Variants in SDK1 observed in about 807,000 individuals in gnomAD.
SDK1 encodes the protein protein sidekick-1.
Under a neutral mutation model 245.5 loss-of-function variants are expected in SDK1, and 157 were observed. That is an observed-to-expected ratio of 0.64 (90% CI 0.56 to 0.73). The LOEUF (loss-of-function observed/expected upper bound fraction) is 0.73. Ranked by LOEUF, SDK1 falls within the 30% of genes least tolerant of loss-of-function variation. The probability of loss-of-function intolerance (pLI) is 0.00; values close to 1 mark genes in which losing one functional copy is unlikely to be tolerated. For missense variants in SDK1, 3,583 were observed against 3,002.3 expected, an observed-to-expected ratio of 1.19 and a Z score of -4.52; for synonymous variants, 1,647 against 1,278.5, an observed-to-expected ratio of 1.29 and a Z score of -6.15.
At chr7:3,531,722 C>T (rs1187491102) in intron 1 of SDK1, among the ~76,000 whole-genome samples, 1 of 152,120 alleles carries the variant, frequency 6.6e-6, no homozygotes, top group African/African-American at 2.4e-5. Context: ...TAAAGTGATA[C>T]ATGGGAGAGT....
chr7:4,054,019 A>G (rs576684248), intron 19 of SDK1, among the ~76,000 whole-genome samples: 78 of 151,400 alleles, frequency 5.2e-4, no homozygotes, highest in Non-Finnish European at 9.4e-4. Context: ...GCTCACTGCA[A>G]CCTCTGCCTC....
At chr7:4,056,077 A>G (rs566470161) in intron 19 of SDK1, among the ~76,000 whole-genome samples, 2 of 152,152 alleles carry the variant, frequency 1.3e-5, no homozygotes, top group African/African-American at 2.4e-5. Flanking sequence ...TGTTCAATGA[A>G]TGATTTTTTA....
At chr7:3,565,910 C>T (rs901194196) in intron 1 of SDK1, among the ~76,000 whole-genome samples, 3 of 152,138 alleles carry the variant, frequency 2.0e-5, no homozygotes, top group Non-Finnish European at 2.9e-5. Flanking sequence ...CCCACAGATG[C>T]AGAGGATGAA....
chr7:3,346,773 A>T (rs1207303288), intron 1 of SDK1, among the ~76,000 whole-genome samples: 5 of 121,656 alleles, frequency 4.1e-5, no homozygotes, highest in African/African-American at 9.6e-5. Context: ...ATATGTATAT[A>T]TGTATACATA....
rs369874539 is a variant in SDK1 at position 3,322,811 on chromosome 7, T to C, written c.298+20927T>C. Among the ~76,000 whole-genome samples the C allele has an allele frequency of 1.7e-3, 264 of 152,210 alleles. 2 individuals are homozygous for C. The highest frequency in any genetic ancestry group is 6.0e-3 in the African/African-American group (250 of 41,538). On this transcript the variant is annotated intron_variant, in intron 1 of 44. Coordinates refer to ENST00000404826, the MANE Select transcript of SDK1 (RefSeq NM_152744.4). The stretch of plus-strand genomic sequence containing the variant: ...CCTAATGTGTTGTCCCCACCTGCCC[T>C]TTTCCCCCACCCATAAGACCTTGTC...
intron 12 of SDK1, among the ~76,000 whole-genome samples, chr7:3,972,987 A>G (rs571554639): frequency 1.6e-4 from 24 of 152,320 alleles, no homozygotes; most frequent in South Asian, 8.3e-4. Flanking sequence ...GATTTGGAGT[A>G]TGACTTCAAG....
At chr7:4,169,720 G>C (rs960159372) in intron 32 of SDK1, among the ~76,000 whole-genome samples, 24 of 152,166 alleles carry the variant, frequency 1.6e-4, no homozygotes, top group Non-Finnish European at 1.2e-4. Flanking sequence ...CTGAGCTCTT[G>C]GTGAGTCAGT....
intron 4 of SDK1, among the ~76,000 whole-genome samples, chr7:3,702,275 C>G (rs1171533845): frequency 1.3e-5 from 2 of 152,108 alleles, no homozygotes; most frequent in Non-Finnish European, 2.9e-5. Context: ...TCTCAAAATT[C>G]TACAATTAAA....
intron 1 of SDK1, among the ~76,000 whole-genome samples, chr7:3,383,464 A>G (rs1038644464): frequency 1.3e-5 from 2 of 152,148 alleles, no homozygotes; most frequent in African/African-American, 2.4e-5. Context: ...GTCTTCAATA[A>G]AAGGATAAAA....
intron 1 of SDK1, among the ~76,000 whole-genome samples, chr7:3,533,137 G>C (rs781456591): frequency 6.6e-6 from 1 of 152,186 alleles, no homozygotes; most frequent in Non-Finnish European, 1.5e-5. Context: ...GGTGGAGTTT[G>C]GTACAGTGCA....
At chr7:4,094,252 G>C (rs1781997045) in intron 22 of SDK1, among the ~76,000 whole-genome samples, 1 of 152,134 alleles carries the variant, frequency 6.6e-6, no homozygotes, top group South Asian at 2.1e-4. Flanking sequence ...AGTAGAGAGG[G>C]GGTTTTGCCA....
At chr7:4,117,537 C>T (rs754021415) in intron 25 of SDK1, among the ~76,000 whole-genome samples, 1 of 152,214 alleles carries the variant, frequency 6.6e-6, no homozygotes, top group African/African-American at 2.4e-5. Context: ...CCTCAGGTGT[C>T]AGAGGCATAA....
intron 16 of SDK1, among the ~76,000 whole-genome samples, chr7:4,014,395 A>G (rs1195592746): frequency 6.6e-6 from 1 of 152,228 alleles, no homozygotes; most frequent in Non-Finnish European, 1.5e-5. Context: ...GAAAGCTCCA[A>G]GATGAGGGTG....
At chr7:3,961,958 T>C (rs1781719831) in intron 8 of SDK1, among the ~76,000 whole-genome samples, 1 of 151,618 alleles carries the variant, frequency 6.6e-6, no homozygotes, top group South Asian at 2.1e-4. Context: ...TGTATACGCA[T>C]ACACACATAA....
chr7:3,578,367 C>G (rs907849225), intron 1 of SDK1, among the ~76,000 whole-genome samples: 5 of 152,032 alleles, frequency 3.3e-5, no homozygotes, highest in African/African-American at 9.7e-5. Flanking sequence ...AGATCACGTG[C>G]TTCTGCGGAA....
chr7:3,579,654 G>T (rs894676413), intron 1 of SDK1, among the ~76,000 whole-genome samples: 1 of 152,154 alleles, frequency 6.6e-6, no homozygotes. Context: ...ATTCAAGATA[G>T]TGTTGGAAGT....
At chr7:4,197,958 C>T (rs993136405) in intron 35 of SDK1, among the ~76,000 whole-genome samples, 1 of 152,226 alleles carries the variant, frequency 6.6e-6, no homozygotes, top group Non-Finnish European at 1.5e-5. Flanking sequence ...CAGATGGTTT[C>T]GGAGGGTCCT....
intron 4 of SDK1, among the ~76,000 whole-genome samples, chr7:3,782,578 C>T (rs1311139537): frequency 6.6e-6 from 1 of 152,144 alleles, no homozygotes; most frequent in Non-Finnish European, 1.5e-5. Context: ...ATAAGAAACA[C>T]TTCGTATACA....
At chr7:3,401,865 T>A (rs1778896533) in intron 1 of SDK1, among the ~76,000 whole-genome samples, 1 of 152,198 alleles carries the variant, frequency 6.6e-6, no homozygotes, top group African/African-American at 2.4e-5. Context: ...TTAAATGTTA[T>A]CACTATTTAA....
Sources: allele counts gnomAD v4.1 joint callset (sites outside exome capture counted in the v4.1 genomes callset), GRCh38; gene constraint gnomAD v4.1.1; transcripts MANE v1.5; gene names NCBI Gene and HGNC (gene_info 2026-07-23, HGNC 2026-07-21).